Variants in STK32C observed in about 807,000 individuals in gnomAD.
STK32C encodes the protein serine/threonine-protein kinase 32C.
Under a neutral mutation model 56.5 loss-of-function variants are expected in STK32C, and 31 were observed. That is an observed-to-expected ratio of 0.55 (90% CI 0.41 to 0.74). The LOEUF is 0.74. Among genes scored for constraint, STK32C ranks in the 30% least tolerant of loss-of-function variants. The pLI, the probability that STK32C is intolerant of heterozygous loss-of-function variation, is 0.00. For synonymous variants in STK32C, 309 were observed against 289.4 expected (o/e 1.07, Z -0.69); for missense variants, 544 against 676.9 (o/e 0.80, Z 2.18).
At chr10:132,228,511 C>A (rs1418735068) in intron 2 of STK32C, among the ~76,000 whole-genome samples, 1 of 152,198 alleles carries the variant, frequency 6.6e-6, no homozygotes, top group African/African-American at 2.4e-5. Context: ...TGTCAACAGG[C>A]GCTATCTGCA....
At position 132,237,739 on chromosome 10, in the gene STK32C, G is replaced by A. The variant is rs1020894344; in HGVS notation, c.318+8161C>T. ...AAGTGTGTGCCGGCGGGGCTGGCCC[G>A]GTGTGGCTTCACCCCTCTGCCCCTA... On this transcript the variant is annotated intron_variant, in intron 2 of 11. Transcript: ENST00000298630. Among the ~76,000 whole-genome samples the A allele has an allele frequency of 1.1e-3, 170 of 152,254 alleles. 1 individual carries two copies. The highest frequency in any genetic ancestry group is 3.4e-3 in the African/African-American group (143 of 41,552).
intron 1 of STK32C, among the ~76,000 whole-genome samples, chr10:132,318,211 T>C (rs2066342492): frequency 1.3e-5 from 2 of 151,114 alleles, no homozygotes; most frequent in Admixed American, 1.3e-4. Context: ...GAGGTTGCAG[T>C]GAGCCAAGAT....
chr10:132,271,862 C>G (rs993779245), intron 1 of STK32C, among the ~76,000 whole-genome samples: 1 of 152,236 alleles, frequency 6.6e-6, no homozygotes, highest in South Asian at 2.1e-4. Flanking sequence ...CTCAGAGCCA[C>G]GGCCCTGCCC....
At chr10:132,296,070 GGT>G (rs1590427211) in intron 1 of STK32C, among the ~76,000 whole-genome samples, 1 of 148,982 alleles carries the variant, frequency 6.7e-6, no homozygotes, top group African/African-American at 2.5e-5. Flanking sequence ...TCGGCAGGAA[GGT>G]GTGTGGACAG....
At chr10:132,303,624 T>C (rs895100854) in intron 1 of STK32C, among the ~76,000 whole-genome samples, 6 of 152,216 alleles carry the variant, frequency 3.9e-5, no homozygotes, top group Non-Finnish European at 8.8e-5. Context: ...ATTCAAAAAG[T>C]GTGGAAACAC....
At position 132,266,647 on chromosome 10, in the gene STK32C, C is replaced by A. The variant is rs566646909; in HGVS notation, c.263-20692G>T. Among the ~76,000 whole-genome samples, 7 of 152,104 alleles carry A rather than the reference C, an allele frequency of 4.6e-5. No individual in the cohort carries two copies. The South Asian group carries it at 1.5e-3, about 32-fold the overall frequency. On this transcript the variant is annotated intron_variant, in intron 1 of 11. Transcript: ENST00000298630. ...AGCCCTCAATTTGTCTCCAGGACAA[C>A]CCCGAGCCCTGGGGGAGGAACGAGC...
Position 132,222,536 on chromosome 10 carries a change from C to T in STK32C, c.1251+105G>A, listed in dbSNP as rs2062715384. The T allele has an allele frequency of 3.5e-6, 5 of 1,422,208 alleles. No individual in the cohort carries two copies. The South Asian group carries it at 6.7e-5, about 19-fold the overall frequency. 88.1% of individuals were successfully genotyped at this position (1,422,208 alleles called of 1,614,324 possible). On this transcript the variant is annotated intron_variant, in intron 10 of 11. Coordinates refer to ENST00000298630, the MANE Select transcript of STK32C (RefSeq NM_173575.4). The stretch of plus-strand genomic sequence containing the variant: ...CTTCAGGAAACGGTCTGCTGGACTT[C>T]CGAGACGTGTGCGCTGCCAGGGGTC...
intron 1 of STK32C, among the ~76,000 whole-genome samples, chr10:132,254,037 C>G (rs573211902): frequency 6.6e-6 from 1 of 152,212 alleles, no homozygotes; most frequent in Non-Finnish European, 1.5e-5. Flanking sequence ...AGGCAGGGCG[C>G]GGTGGCTCAT....
chr10:132,329,296 C>A (rs1206608771), intron 1 of STK32C, among the ~76,000 whole-genome samples: 1 of 152,140 alleles, frequency 6.6e-6, no homozygotes, highest in Non-Finnish European at 1.5e-5. Flanking sequence ...TGCCTGTAGT[C>A]TCAGCTACTT....
chr10:132,231,093 T>A (rs187024448), intron 2 of STK32C, among the ~76,000 whole-genome samples: 1 of 152,300 alleles, frequency 6.6e-6, no homozygotes, highest in Non-Finnish European at 1.5e-5. Flanking sequence ...CTGGGCTCCA[T>A]CTGGGACCAG....
At chr10:132,310,932 G>C (rs2066207469), upstream of STK32C, among the ~76,000 whole-genome samples, 2 of 152,152 alleles carry the variant, frequency 1.3e-5, no homozygotes, top group African/African-American at 2.4e-5. This position sits in a 1 kb window ranked among gnomAD's most constrained non-coding sequence, Gnocchi z 4.6. Context: ...CTGGCCCTAA[G>C]GTAGAAACCG....
chr10:132,298,235 T>C (rs1374015662), intron 1 of STK32C, among the ~76,000 whole-genome samples: 1 of 152,248 alleles, frequency 6.6e-6, no homozygotes, highest in Admixed American at 6.5e-5. Context: ...GAATCTGAGC[T>C]GGGCCTGTGA....
chr10:132,312,837 C>T (rs1284665307), upstream of STK32C, among the ~76,000 whole-genome samples: 3 of 152,120 alleles, frequency 2.0e-5, no homozygotes, highest in Non-Finnish European at 4.4e-5. Flanking sequence ...GTCAGGAGTT[C>T]GAGACCAGCC....
chr10:132,220,069 C>T (rs775246413), intron 10 of STK32C, among the ~76,000 whole-genome samples: 26 of 152,224 alleles, frequency 1.7e-4, no homozygotes, highest in Admixed American at 5.2e-4. Flanking sequence ...AAAAATGACA[C>T]ACTCAAATTC....
At chr10:132,228,383 C>T (rs1351088599) in intron 2 of STK32C, among the ~76,000 whole-genome samples, 2 of 152,172 alleles carry the variant, frequency 1.3e-5, no homozygotes, top group Non-Finnish European at 2.9e-5. Context: ...GGTTCCTGTA[C>T]TGGTTAGTGT....
intron 2 of STK32C, among the ~76,000 whole-genome samples, chr10:132,243,679 A>T (rs1285278429): frequency 6.6e-6 from 1 of 152,240 alleles, no homozygotes; most frequent in African/African-American, 2.4e-5. Flanking sequence ...CAAAAACAAA[A>T]GCCAAGGGCC....
chr10:132,282,182 T>G (rs916344662), intron 1 of STK32C, among the ~76,000 whole-genome samples: 3 of 152,108 alleles, frequency 2.0e-5, no homozygotes, highest in Non-Finnish European at 4.4e-5. Flanking sequence ...AAATGCCCAG[T>G]GCAGGACCAA....
chr10:132,289,546 C>T (rs911949210), intron 1 of STK32C, among the ~76,000 whole-genome samples: 17 of 152,218 alleles, frequency 1.1e-4, no homozygotes, highest in African/African-American at 3.9e-4. Flanking sequence ...GCTACTATAA[C>T]AGATTGCCAT....
rs1040861892 is a variant in STK32C, at chr10:132,255,940, C to A, written c.263-9985G>T. Among the ~76,000 whole-genome samples, 2 of 152,246 alleles carry A rather than the reference C, an allele frequency of 1.3e-5. No individual in the cohort carries two copies. Among genetic ancestry groups the A allele is most frequent in the African/African-American group, 4.8e-5 (2 of 41,470 alleles). ...TGACCAGCAGCCTGCAGCCTCTGCACACCCTGGAGCCCTGGTGTCCAGCTT... is the reference window on the plus strand; with the variant it reads ...TGACCAGCAGCCTGCAGCCTCTGCAAACCCTGGAGCCCTGGTGTCCAGCTT... On this transcript the variant is annotated intron_variant, in intron 1 of 11. Coordinates refer to ENST00000298630, the MANE Select transcript of STK32C (RefSeq NM_173575.4). This position sits in a 1 kb window ranked among gnomAD's most constrained non-coding sequence, Gnocchi z 4.6.
Sources: allele counts gnomAD v4.1 joint callset (sites outside exome capture counted in the v4.1 genomes callset), GRCh38; gene constraint gnomAD v4.1.1; non-coding constraint Gnocchi (gnomAD v3.1); transcripts MANE v1.5; gene names NCBI Gene and HGNC (gene_info 2026-07-23, HGNC 2026-07-21).